The following PDLIM2 variants were observed in gnomAD, a reference collection of about 807,000 sequenced individuals.
PDLIM2 encodes the protein PDZ and LIM domain 2, also known as PDZ and LIM domain protein 2.
Under a neutral mutation model 54.1 loss-of-function variants are expected in PDLIM2, and 51 were observed. The ratio of observed to expected loss-of-function variants is 0.94; its 90% confidence interval spans 0.75 to 1.19. PDLIM2 has a LOEUF of 1.19. Among genes scored for constraint, PDLIM2 ranks in the 50% most tolerant of loss-of-function variants. The pLI is 0.00. For synonymous variants in PDLIM2, 398 were observed against 385.6 expected, an observed-to-expected ratio of 1.03 and a Z score of -0.38; for missense variants, 912 against 874.0, an observed-to-expected ratio of 1.04 and a Z score of -0.55.
chr8:22,584,882 C>T (rs144878093), exon 4 of PDLIM2: 2,323 of 1,614,134 alleles, frequency 1.4e-3, no homozygotes, highest in Non-Finnish European at 1.6e-3. Context: ...GCTGGCGACT[C>T]GCTTCCAGGT....
At chr8:22,586,074 G>A (rs1800374086) in intron 6 of PDLIM2, among the ~76,000 whole-genome samples, 1 of 152,172 alleles carries the variant, frequency 6.6e-6, no homozygotes, top group African/African-American at 2.4e-5. Flanking sequence ...TGCTGGGGAC[G>A]GCGTGGGGGG....
chr8:22,584,805 T>A lies in PDLIM2; in HGVS notation c.996-16T>A. The A allele has an allele frequency of 6.2e-7, 1 of 1,613,668 alleles. No homozygotes were observed. Among genetic ancestry groups the A allele is most frequent in the Non-Finnish European group, 8.5e-7 (1 of 1,179,580 alleles). On this transcript the variant is annotated splice_polypyrimidine_tract_variant and intron_variant, in intron 3 of 9. Transcript: ENST00000308354. ...CAGGGCCCCTGTGACATTCCCTCCC[T>A]CTGTTGCCTTCTCAGGTCTCAGGCT...
At chr8:22,589,884 A>G in intron 8 of PDLIM2, 143 bp downstream of exon 7, 1 of 1,179,490 alleles carries the variant, frequency 8.5e-7, no homozygotes, top group South Asian at 1.6e-5. Context: ...CAGAGCGCGA[A>G]GCCCCAGCCC....
At chr8:22,579,211 T>C (rs139396206) in exon 1 of PDLIM2, 1 of 1,386,268 alleles carries the variant, frequency 7.2e-7, no homozygotes, top group African/African-American at 1.5e-5. Context: ...GCCGGACAGG[T>C]GAGCGGCAGC....
At chr8:22,592,624 C>G (rs184446005) in intron 9 of PDLIM2, 8 of 152,356 alleles carry the variant, frequency 5.3e-5, no homozygotes, top group African/African-American at 1.9e-4. Context: ...TGTTTTCCAT[C>G]CTGGTTCTCA....
intron 1 of PDLIM2, chr8:22,579,933 T>G: frequency 1.1e-5 from 2 of 186,244 alleles, no homozygotes; most frequent in Non-Finnish European, 1.1e-5. Flanking sequence ...CCTGGCCTCC[T>G]TGCCCTGGCA....
chr8:22,581,077 A>G, intron 2 of PDLIM2: 1 of 673,764 alleles, frequency 1.5e-6, no homozygotes, highest in Admixed American at 2.1e-5. Flanking sequence ...GCCACCTGCA[A>G]GGTGCGATTT....
chr8:22,591,488 C>T, intron 8 of PDLIM2, 63 bp from the exon 8 acceptor site: 2 of 1,447,228 alleles, frequency 1.4e-6, no homozygotes, highest in Non-Finnish European at 1.9e-6. Flanking sequence ...CTCCTCAGAG[C>T]ATCTTTGGGA....
chr8:22,579,403 G>GC lies in PDLIM2; in HGVS notation c.629dup (p.Ala211SerfsTer17). ...CCCCGGCCGGAGCGCTCCTCCTCCA[G>GC]CCCCCAGCCCGCAGGGTACTTTGCC... On this transcript the variant is annotated frameshift_variant, in exon 1 of 10. Coordinates refer to ENST00000308354, the Ensembl canonical transcript of PDLIM2. LOFTEE classifies it high-confidence loss of function. 1.3e-6 allele frequency: 2 copies of GC among 1,511,526 alleles called. No individual in the cohort carries two copies. Among genetic ancestry groups the GC allele is most frequent in the South Asian group, 1.2e-5 (1 of 81,724 alleles). 93.6% of individuals were successfully genotyped at this position (1,511,526 alleles called of 1,614,324 possible). A position where few individuals can be genotyped will look rare whatever the true frequency, so the allele number is the denominator to read the frequency against.
downstream of PDLIM2, chr8:22,596,090 C>T (rs538510380): frequency 1.3e-5 from 2 of 152,328 alleles, no homozygotes; most frequent in African/African-American, 2.4e-5. Context: ...CTAACCTTGC[C>T]CAGCCTCTGG....
chr8:22,593,793 C>T lies in PDLIM2; in HGVS notation c.1692C>T (p.Ala564=), dbSNP rs751474888. ...GCCACCCCGGCTGCTACACCTGTGC[C>T]GACTGTGGGCTGAACCTGAAGATGC... The change falls in exon 10 of 10, where the codon GCC becomes GCT. Residue 564 remains alanine (A), a synonymous_variant. Coordinates refer to ENST00000308354, the Ensembl canonical transcript of PDLIM2. The T allele has an allele frequency of 1.0e-5, 16 of 1,605,486 alleles. No individual in the cohort carries two copies. Among genetic ancestry groups the T allele is most frequent in the Admixed American group, 3.4e-5 (2 of 58,726 alleles).
chr8:22,589,637 C>A lies in PDLIM2; in HGVS notation c.1409C>A (p.Ser470Ter). The A allele has an allele frequency of 6.3e-7, 1 of 1,595,848 alleles. No individual in the cohort carries two copies. The change falls in exon 8 of 10, where the codon TCG (serine) becomes TAG (stop). Residue 470 changes from serine to a stop codon, truncating the protein, a stop_gained. Transcript: ENST00000308354. LOFTEE classifies it high-confidence loss of function. Reference sequence around the variant, plus strand: ...GGAAGCCTCCTCCTGGACGAGGACTCGGAAGTCTTCAAGATGCTGCAGGAA... The same window carrying A: ...GGAAGCCTCCTCCTGGACGAGGACTAGGAAGTCTTCAAGATGCTGCAGGAA...
In PDLIM2 at chr8:22,579,003, G is replaced by C. The variant is rs1206552872; in HGVS notation, c.224G>C (p.Gly75Ala). Reference sequence around the variant, plus strand: ...CTGCCTCATCCCCCCGGCGGGCTCGGGCCAGGTGGCAGCGCCTGGGCTCGC... The same window carrying C: ...CTGCCTCATCCCCCCGGCGGGCTCGCGCCAGGTGGCAGCGCCTGGGCTCGC... The change falls in exon 1 of 10, where the codon GGG (glycine) becomes GCG (alanine). Residue 75 changes from glycine to alanine, a missense_variant. Transcript: ENST00000308354. 8 of 1,244,744 alleles carry C rather than the reference G, an allele frequency of 6.4e-6. No homozygotes were observed. In the East Asian group the frequency reaches 1.3e-4, roughly 20 times the overall value. The allele number at this position is 1,244,744 out of a possible 1,614,324, so 77.1% of individuals were successfully genotyped here. A position where few individuals can be genotyped will look rare whatever the true frequency, so the allele number is the denominator to read the frequency against.
exon 8 of PDLIM2, chr8:22,589,688 G>A (rs1204853589): frequency 1.3e-5 from 21 of 1,575,064 alleles, no homozygotes; most frequent in Admixed American, 1.8e-5. Flanking sequence ...GCGGCCCCCC[G>A]ACAGTCCAGC....
chr8:22,585,146 G>A (rs1186481514), exon 5 of PDLIM2: 1 of 1,613,284 alleles, frequency 6.2e-7, no homozygotes, highest in Non-Finnish European at 8.5e-7. Context: ...CACTGGAGAG[G>A]CAGCCATCAG....
At chr8:22,579,497 C>G in exon 1 of PDLIM2, 1 of 1,509,856 alleles carries the variant, frequency 6.6e-7, no homozygotes. Flanking sequence ...CCGCGGCGCC[C>G]GCAGCGCGGA....
chr8:22,581,129 G>A (rs1296500084), intron 2 of PDLIM2: 1 of 671,380 alleles, frequency 1.5e-6, no homozygotes, highest in Non-Finnish European at 2.8e-6. Context: ...TCCAAGCACA[G>A]TTCCTGAAAT....
chr8:22,579,621 G>A, intron 1 of PDLIM2: 1 of 1,322,152 alleles, frequency 7.6e-7, no homozygotes, highest in African/African-American at 1.5e-5. Context: ...CAAGGGGAAG[G>A]CAGCCGGGGA....
At chr8:22,589,307 G>A (rs1378443342) in exon 7 of PDLIM2, 10 of 1,534,004 alleles carry the variant, frequency 6.5e-6, no homozygotes, top group African/African-American at 1.4e-5. Context: ...GGCCGGCCTC[G>A]GCCGCGCTGG....
Sources: allele counts gnomAD v4.1 joint callset (sites outside exome capture counted in the v4.1 genomes callset), GRCh38; gene constraint gnomAD v4.1.1; transcripts MANE v1.5; gene names NCBI Gene and HGNC (gene_info 2026-07-23, HGNC 2026-07-21).